Variants in MRPS28 observed in about 807,000 individuals in gnomAD.
MRPS28 encodes the protein mitochondrial ribosomal protein S28, also known as small ribosomal subunit protein bS1m.
MRPS28 carries 7 observed loss-of-function variants against 10.8 expected under a neutral mutation model. That is an observed-to-expected ratio of 0.65 (90% confidence interval 0.37 to 1.22). The LOEUF (loss-of-function observed/expected upper bound fraction) is 1.22, where lower values mean the gene tolerates loss of function less well. Among genes scored for constraint, MRPS28 ranks in the 50% most tolerant of loss-of-function variants. The pLI, the probability that MRPS28 is intolerant of heterozygous loss-of-function variation, is 0.02. For missense variants in MRPS28, 265 were observed against 232.9 expected, an observed-to-expected ratio of 1.14 and a Z score of -0.90; for synonymous variants, 121 against 93.3, an observed-to-expected ratio of 1.30 and a Z score of -1.71.
chr8:79,961,646 C>G, intron 2 of MRPS28, among the ~76,000 whole-genome samples: 1 of 152,112 alleles, frequency 6.6e-6, no homozygotes, highest in Non-Finnish European at 1.5e-5. Context: ...CACAATATGG[C>G]CAAAACAAAA....
intron 2 of MRPS28, among the ~76,000 whole-genome samples, chr8:79,929,090 C>T (rs977183122): frequency 2.6e-5 from 4 of 152,030 alleles, no homozygotes; most frequent in African/African-American, 9.7e-5. Flanking sequence ...AAAAACACTA[C>T]AGTTCATACT....
intron 2 of MRPS28, among the ~76,000 whole-genome samples, chr8:79,953,315 G>A (rs1807125311): frequency 6.6e-6 from 1 of 152,158 alleles, no homozygotes; most frequent in South Asian, 2.1e-4. Context: ...AAAGGCAGAG[G>A]GTTCTACCAG....
chr8:79,960,821 C>T (rs1331788777), intron 2 of MRPS28, among the ~76,000 whole-genome samples: 2 of 152,030 alleles, frequency 1.3e-5, no homozygotes, highest in African/African-American at 2.4e-5. Flanking sequence ...ATTCCCAGAG[C>T]CGCTGCTGTT....
chr8:79,962,317 A>G (rs1283897047), intron 2 of MRPS28, among the ~76,000 whole-genome samples: 1 of 152,132 alleles, frequency 6.6e-6, no homozygotes, highest in Non-Finnish European at 1.5e-5. Context: ...TACTCTGAGA[A>G]GCACAAGGCA....
chr8:79,958,256 C>T lies in MRPS28; in HGVS notation c.396-39108G>A, dbSNP rs557593472. 4 of 606,978 alleles carry T rather than the reference C, an allele frequency of 6.6e-6. No homozygotes were observed. The East Asian group carries it at 1.2e-4, about 18-fold the overall frequency. 37.6% of individuals were successfully genotyped at this position (606,978 alleles called of 1,614,324 possible). On this transcript the variant is annotated intron_variant, in intron 2 of 2. Transcript: ENST00000276585. ...AACATTTCATATAAATGGAATCATA[C>T]AATATATGATCTTTTGTGAATGGCT...
At chr8:79,931,458 C>A (rs1000153799) in intron 2 of MRPS28, among the ~76,000 whole-genome samples, 2 of 152,158 alleles carry the variant, frequency 1.3e-5, no homozygotes, top group Non-Finnish European at 2.9e-5. Context: ...CTAATTAAAA[C>A]TAGGATAACA....
At chr8:79,949,720 T>C (rs569583946) in intron 2 of MRPS28, among the ~76,000 whole-genome samples, 2 of 152,300 alleles carry the variant, frequency 1.3e-5, no homozygotes, top group Non-Finnish European at 2.9e-5. Flanking sequence ...TTTTTTTAGA[T>C]GTCAATTTGT....
At chr8:79,947,448 AC>A (rs953063387) in intron 2 of MRPS28, among the ~76,000 whole-genome samples, 7 of 152,066 alleles carry the variant, frequency 4.6e-5, no homozygotes, top group African/African-American at 1.2e-4. Context: ...TTAAAATCCT[AC>A]TATGATTTTG....
In MRPS28 at chr8:79,928,547, CT is replaced by C. The variant is rs1806365971; in HGVS notation, c.396-9400del. ...CTCCACCTCCCGGGTTCAAGAAATT[CT>C]TGTGCCTCAGCCTCCCAAGTAGCTG... On this transcript the variant is annotated intron_variant, in intron 2 of 2. Coordinates refer to ENST00000276585, the MANE Select transcript of MRPS28 (RefSeq NM_014018.3). Among the ~76,000 whole-genome samples the C allele has an allele frequency of 2.0e-5, 3 of 152,044 alleles. No individual in the cohort carries two copies. In the South Asian group the frequency reaches 6.2e-4, roughly 32 times the overall value.
intron 2 of MRPS28, among the ~76,000 whole-genome samples, chr8:79,986,703 G>C (rs1422829861): frequency 1.3e-5 from 2 of 151,516 alleles, no homozygotes; most frequent in Non-Finnish European, 3.0e-5. Context: ...AAATACCTAG[G>C]AATCCAACTT....
At chr8:79,977,073 T>A (rs1290986370) in intron 2 of MRPS28, among the ~76,000 whole-genome samples, 1 of 152,162 alleles carries the variant, frequency 6.6e-6, no homozygotes, top group Non-Finnish European at 1.5e-5. Flanking sequence ...TAGTGCATCC[T>A]TCATAATGAA....
chr8:79,980,950 C>T (rs889702916), intron 2 of MRPS28, among the ~76,000 whole-genome samples: 1 of 152,188 alleles, frequency 6.6e-6, no homozygotes, highest in East Asian at 1.9e-4. Context: ...CACAAATCAA[C>T]ATATGCTAAA....
chr8:79,962,127 C>T (rs79287984), intron 2 of MRPS28, among the ~76,000 whole-genome samples: 5,585 of 151,778 alleles, frequency 0.037, 274 homozygotes, highest in African/African-American at 0.11. Flanking sequence ...TTCAAAACTG[C>T]GCTTGTAGTG....
chr8:79,959,037 A>C (rs552663159), intron 2 of MRPS28, among the ~76,000 whole-genome samples: 76 of 152,122 alleles, frequency 5.0e-4, no homozygotes, highest in Non-Finnish European at 9.6e-4. Context: ...ATATATATTC[A>C]ACTAGAGCTA....
At chr8:79,961,288 A>C (rs1807365816) in intron 2 of MRPS28, among the ~76,000 whole-genome samples, 1 of 152,088 alleles carries the variant, frequency 6.6e-6, no homozygotes, top group African/African-American at 2.4e-5. Flanking sequence ...CTTTTTGACA[A>C]TAGGATATCC....
At chr8:79,938,434 T>C (rs1806667078) in intron 2 of MRPS28, among the ~76,000 whole-genome samples, 1 of 151,872 alleles carries the variant, frequency 6.6e-6, no homozygotes, top group Non-Finnish European at 1.5e-5. Context: ...TGCTTTTTTT[T>C]TTTTTTCAAA....
intron 2 of MRPS28, among the ~76,000 whole-genome samples, chr8:79,985,519 A>G: frequency 6.6e-6 from 1 of 152,226 alleles, no homozygotes; most frequent in East Asian, 1.9e-4. Flanking sequence ...CAAAATTGAT[A>G]GACCGCTAGC....
At chr8:79,928,589 G>A (rs975082469) in intron 2 of MRPS28, among the ~76,000 whole-genome samples, 1 of 151,854 alleles carries the variant, frequency 6.6e-6, no homozygotes, top group African/African-American at 2.4e-5. Context: ...ATAGGTGTGT[G>A]CTACCACACC....
chr8:80,015,930 C>G (rs1809183218), intron 1 of MRPS28, among the ~76,000 whole-genome samples: 1 of 150,020 alleles, frequency 6.7e-6, no homozygotes, highest in Non-Finnish European at 1.5e-5. Context: ...GTAGATGACA[C>G]AGCTGAGGAA....
Sources: allele counts gnomAD v4.1 joint callset (sites outside exome capture counted in the v4.1 genomes callset), GRCh38; gene constraint gnomAD v4.1.1; transcripts MANE v1.5; gene names NCBI Gene and HGNC (gene_info 2026-07-23, HGNC 2026-07-21).